CLECL1: variants seen among roughly 807,000 people sequenced by gnomAD.
The protein encoded by CLECL1 is C-type lectin-like domain family 1.
downstream of CLECL1, chr12:9,722,479 A>C (rs944404680): frequency 1.5e-6 from 2 of 1,326,574 alleles, no homozygotes; most frequent in South Asian, 2.2e-5. Context: ...AAAAAAAAAA[A>C]CCTCAAAGGT....
chr12:9,706,114 G>A, the CLECL1 span, among the ~76,000 whole-genome samples: 1 of 152,172 alleles, frequency 6.6e-6, no homozygotes, highest in Middle Eastern at 3.4e-3. Context: ...GTATTCCTAG[G>A]TATTTTGTTC....
chr12:9,713,483 G>A (rs140068215), downstream of CLECL1, among the ~76,000 whole-genome samples: 1,062 of 152,322 alleles, frequency 7.0e-3, 16 homozygotes, highest in African/African-American at 0.024. Context: ...GCCTGGTTTC[G>A]GGCCTGGTGC....
chr12:9,708,856 G>C, the CLECL1 span: 3 of 257,064 alleles, frequency 1.2e-5, no homozygotes, highest in Non-Finnish European at 1.5e-5. Context: ...GGACACCTCT[G>C]TTCCCTGTCT....
intron 1 of CLECL1, among the ~76,000 whole-genome samples, chr12:9,731,733 T>C (rs1866449728): frequency 6.6e-6 from 1 of 152,214 alleles, no homozygotes; most frequent in Non-Finnish European, 1.5e-5. Flanking sequence ...AAGATTGAAC[T>C]AGATCACATT....
At chr12:9,714,713 C>A (rs1866221731), downstream of CLECL1, among the ~76,000 whole-genome samples, 3 of 152,292 alleles carry the variant, frequency 2.0e-5, no homozygotes, top group South Asian at 6.2e-4. Context: ...GCTGGAAATT[C>A]ATCAGGAACT....
At chr12:9,713,888 C>T (rs145962486), downstream of CLECL1, among the ~76,000 whole-genome samples, 500 of 152,210 alleles carry the variant, frequency 3.3e-3, 2 homozygotes, top group Non-Finnish European at 5.9e-3. Context: ...GGATTGAGTC[C>T]GTGCCACACT....
the CLECL1 span, among the ~76,000 whole-genome samples, chr12:9,710,352 C>CCTG: frequency 2.0e-5 from 3 of 152,108 alleles, no homozygotes; most frequent in African/African-American, 2.4e-5. Context: ...CAGTTTACCC[C>CCTG]AAAAGAATGC....
At chr12:9,719,443 G>A (rs1051226524), downstream of CLECL1, among the ~76,000 whole-genome samples, 3 of 152,178 alleles carry the variant, frequency 2.0e-5, no homozygotes, top group African/African-American at 4.8e-5. Flanking sequence ...GGAGAATGGC[G>A]TGAACCCGGG....
intron 1 of CLECL1, among the ~76,000 whole-genome samples, chr12:9,731,625 G>A (rs932623878): frequency 6.6e-6 from 1 of 152,164 alleles, no homozygotes; most frequent in African/African-American, 2.4e-5. Flanking sequence ...CACGTATACA[G>A]CACAAGAACA....
At chr12:9,723,953 T>C (rs1866345096) in intron 3 of CLECL1, among the ~76,000 whole-genome samples, 1 of 151,782 alleles carries the variant, frequency 6.6e-6, no homozygotes, top group African/African-American at 2.4e-5. Flanking sequence ...TATGGGAGGC[T>C]GAGGCAAGCA....
downstream of CLECL1, chr12:9,722,526 G>A: frequency 3.5e-6 from 5 of 1,422,310 alleles, no homozygotes; most frequent in Non-Finnish European, 3.7e-6. Flanking sequence ...ACTAATATTT[G>A]TATAGTTAAT....
downstream of CLECL1, among the ~76,000 whole-genome samples, chr12:9,713,938 A>G (rs143159650): frequency 7.9e-5 from 12 of 152,316 alleles, no homozygotes; most frequent in East Asian, 1.7e-3. Flanking sequence ...ATCTTTAACT[A>G]TGTCTTTAAC....
upstream of CLECL1, chr12:9,733,281 T>C: frequency 6.5e-7 from 1 of 1,540,508 alleles, no homozygotes; most frequent in South Asian, 1.2e-5. Flanking sequence ...GGTTCTCGTT[T>C]TTCAGTTAGT....
chr12:9,729,288 G>A (rs960872824), intron 2 of CLECL1, among the ~76,000 whole-genome samples: 3 of 152,200 alleles, frequency 2.0e-5, no homozygotes, highest in Non-Finnish European at 2.9e-5. Flanking sequence ...TGGTTTCAGA[G>A]ACATCTGTGT....
At chr12:9,718,547 T>C (rs1866265597), downstream of CLECL1, 1 of 269,120 alleles carries the variant, frequency 3.7e-6, no homozygotes, top group African/African-American at 2.5e-5. Context: ...TGAATTGTAC[T>C]ACTCCAAAAT....
chr12:9,704,587 G>A, the CLECL1 span, among the ~76,000 whole-genome samples: 3 of 151,904 alleles, frequency 2.0e-5, no homozygotes, highest in Non-Finnish European at 4.4e-5. Context: ...GTAGGCCCCC[G>A]TTTTTGTTAT....
chr12:9,732,493 G>A (rs1391702409), intron 1 of CLECL1, among the ~76,000 whole-genome samples: 1 of 152,124 alleles, frequency 6.6e-6, no homozygotes, highest in Non-Finnish European at 1.5e-5. Context: ...AACGTTTCAT[G>A]TTTTCTTAAG....
chr12:9,704,684 A>C, the CLECL1 span, among the ~76,000 whole-genome samples: 20 of 152,262 alleles, frequency 1.3e-4, no homozygotes, highest in African/African-American at 4.6e-4. Context: ...TTCCTGTGAT[A>C]GTTTGGTAAG....
At chr12:9,722,431 A>G, downstream of CLECL1, 1 of 933,968 alleles carries the variant, frequency 1.1e-6, no homozygotes, top group Non-Finnish European at 1.5e-6. Flanking sequence ...AGAGCTTGGT[A>G]TAAAACATAA....
Sources: allele counts gnomAD v4.1 joint callset (sites outside exome capture counted in the v4.1 genomes callset), GRCh38; gene constraint gnomAD v4.1.1; transcripts MANE v1.5; gene names NCBI Gene and HGNC (gene_info 2026-07-23, HGNC 2026-07-21).